Variants in LARGE1 observed in about 807,000 individuals in gnomAD.
The protein encoded by LARGE1 is LARGE xylosyl- and glucuronyltransferase 1.
LARGE1 carries 43 observed loss-of-function variants against 87.6 expected under a neutral mutation model. That is an observed-to-expected ratio of 0.49 (90% CI 0.38 to 0.63). LARGE1 has a LOEUF of 0.63. Ranked by LOEUF, LARGE1 falls within the 30% of genes least tolerant of loss-of-function variation. The pLI, the probability that LARGE1 is intolerant of heterozygous loss-of-function variation, is 0.00. For missense variants in LARGE1, 802 were observed against 1,000.2 expected (o/e 0.80, Z 2.67); for synonymous variants, 434 against 394.6 (o/e 1.10, Z -1.18).
At chr22:33,640,635 C>T (rs1287706755) in intron 3 of LARGE1, among the ~76,000 whole-genome samples, 1 of 152,108 alleles carries the variant, frequency 6.6e-6, no homozygotes, top group Non-Finnish European at 1.5e-5. Context: ...CAAGTGGTCT[C>T]ACTCAGCTGG....
At chr22:33,520,048 A>G (rs1189511493) in intron 6 of LARGE1, among the ~76,000 whole-genome samples, 1 of 125,366 alleles carries the variant, frequency 8.0e-6, no homozygotes, top group Non-Finnish European at 1.6e-5. Context: ...TCTGTCACCC[A>G]GGCTGGAGTG....
intron 11 of LARGE1, among the ~76,000 whole-genome samples, chr22:33,200,477 A>T (rs1052937703): frequency 2.0e-5 from 3 of 152,168 alleles, no homozygotes; most frequent in Non-Finnish European, 4.4e-5. Context: ...TGATCCAGCA[A>T]TTCCACTCCT....
At chr22:33,369,733 T>G (rs2064739439) in intron 9 of LARGE1, among the ~76,000 whole-genome samples, 1 of 152,108 alleles carries the variant, frequency 6.6e-6, no homozygotes, top group Non-Finnish European at 1.5e-5. Context: ...CACACCCGGC[T>G]AATTTTTATA....
In LARGE1 at chr22:33,852,967, G is replaced by A. The variant is rs1405352698; in HGVS notation, c.-83+67028C>T. 3.3e-5 allele frequency among the ~76,000 whole-genome samples: 5 copies of A among 151,918 alleles called. 1 individual carries two copies. The highest frequency in any genetic ancestry group is 1.2e-4 in the African/African-American group (5 of 41,404). Reference sequence around the variant, plus strand: ...AAAGAGGGATGGGAATGCCAGGCGAGGGTCACAGTGATCAATGAGGCAGCC... The same window carrying A: ...AAAGAGGGATGGGAATGCCAGGCGAAGGTCACAGTGATCAATGAGGCAGCC... On this transcript the variant is annotated intron_variant, in intron 1 of 14. Transcript: ENST00000397394.
chr22:33,247,047 ATGTGTGTGTGTGTGTG>A (rs10532057), intron 11 of LARGE1, among the ~76,000 whole-genome samples: 14 of 146,280 alleles, frequency 9.6e-5, no homozygotes, highest in Non-Finnish European at 1.7e-4. Flanking sequence ...TGCAGCCAGT[ATGTGTGTGTGTGTGTG>A]TGTGTGTGTG....
intron 1 of LARGE1, among the ~76,000 whole-genome samples, chr22:33,874,839 G>A (rs2064413705): frequency 6.6e-6 from 1 of 152,220 alleles, no homozygotes; most frequent in Admixed American, 6.5e-5. Flanking sequence ...ATATACATGT[G>A]TATGGAGCCA....
intron 1 of LARGE1, among the ~76,000 whole-genome samples, chr22:33,879,828 T>C (rs1428959140): frequency 6.6e-6 from 1 of 152,244 alleles, no homozygotes; most frequent in Non-Finnish European, 1.5e-5. Context: ...CTAATTCATG[T>C]AGGTATCTTC....
chr22:33,220,296 G>A (rs1398926551), intron 11 of LARGE1, among the ~76,000 whole-genome samples: 5 of 152,250 alleles, frequency 3.3e-5, no homozygotes, highest in African/African-American at 1.2e-4. Context: ...TTAGAAGCTC[G>A]GAGGCTAGGT....
At chr22:33,651,400 A>AG (rs2080810749) in intron 2 of LARGE1, among the ~76,000 whole-genome samples, 2 of 149,776 alleles carry the variant, frequency 1.3e-5, no homozygotes. Flanking sequence ...AAAAAAAAAA[A>AG]AAAAAAAAAA....
At chr22:33,428,254 G>A (rs985569532) in intron 7 of LARGE1, among the ~76,000 whole-genome samples, 1 of 151,882 alleles carries the variant, frequency 6.6e-6, no homozygotes, top group Admixed American at 6.6e-5. Flanking sequence ...CCCTGGATCA[G>A]GCTAGGCTCA....
At chr22:33,857,946 C>T (rs186037793) in intron 1 of LARGE1, among the ~76,000 whole-genome samples, 38 of 152,264 alleles carry the variant, frequency 2.5e-4, no homozygotes, top group South Asian at 1.2e-3. Flanking sequence ...AAGATCGTGG[C>T]GGGCCGCTTC....
intron 9 of LARGE1, among the ~76,000 whole-genome samples, chr22:33,368,561 G>GA (rs201700917): frequency 0.012 from 1,676 of 143,056 alleles, 20 homozygotes; most frequent in African/African-American, 0.034. Context: ...AAGGAAAAAA[G>GA]AAAAAATATG....
chr22:33,776,365 G>A (rs945406857), intron 1 of LARGE1, among the ~76,000 whole-genome samples: 2 of 152,138 alleles, frequency 1.3e-5, no homozygotes, highest in South Asian at 2.1e-4. Flanking sequence ...GGAAAGAATC[G>A]AGAAGTAATC....
At chr22:33,805,483 C>T (rs1309699661) in intron 1 of LARGE1, among the ~76,000 whole-genome samples, 2 of 152,078 alleles carry the variant, frequency 1.3e-5, no homozygotes, top group Non-Finnish European at 2.9e-5. Context: ...CCTGTAATCC[C>T]AGCACTTTGG....
the LARGE1 span, among the ~76,000 whole-genome samples, chr22:33,110,011 G>A: frequency 3.3e-5 from 5 of 152,118 alleles, no homozygotes; most frequent in African/African-American, 9.7e-5. Flanking sequence ...AATCCTTTAC[G>A]GCAATGCAAA....
chr22:33,710,968 T>C (rs542741766), intron 2 of LARGE1, among the ~76,000 whole-genome samples: 163 of 152,316 alleles, frequency 1.1e-3, no homozygotes, highest in African/African-American at 3.6e-3. Flanking sequence ...GGTAGTAAAC[T>C]GTCCCAAATC....
chr22:33,488,089 C>A (rs1473480721), intron 6 of LARGE1, among the ~76,000 whole-genome samples: 1 of 152,060 alleles, frequency 6.6e-6, no homozygotes, highest in Non-Finnish European at 1.5e-5. Context: ...TTGCTGGTGC[C>A]CAAAGGACTT....
chr22:33,889,342 C>T (rs904787396), intron 1 of LARGE1: 1 of 152,214 alleles, frequency 6.6e-6, no homozygotes, highest in Non-Finnish European at 1.5e-5. Flanking sequence ...TTCTGCACAC[C>T]GGCAGCATTT....
chr22:33,817,591 A>C (rs948237033), intron 1 of LARGE1, among the ~76,000 whole-genome samples: 1 of 152,122 alleles, frequency 6.6e-6, no homozygotes, highest in Non-Finnish European at 1.5e-5. Flanking sequence ...CCAGATAAGA[A>C]GGGACCACAG....
Sources: gnomAD v4.1 joint callset for allele counts (sites outside exome capture counted in the v4.1 genomes callset) on GRCh38, gnomAD v4.1.1 for gene constraint, MANE v1.5 for transcripts, NCBI Gene and HGNC (gene_info 2026-07-23, HGNC 2026-07-21) for gene names.